The following IFNLR1 variants were observed in gnomAD, a reference collection of about 807,000 sequenced individuals.
The protein encoded by IFNLR1 is CRF2-12.
Under a neutral mutation model 52.5 loss-of-function variants are expected in IFNLR1, and 28 were observed. The ratio of observed to expected loss-of-function variants is 0.53; its 90% confidence interval spans 0.40 to 0.73. The LOEUF (loss-of-function observed/expected upper bound fraction) is 0.73. Ranked by LOEUF, IFNLR1 falls within the 30% of genes least tolerant of loss-of-function variation. The pLI, the probability that IFNLR1 is intolerant of heterozygous loss-of-function variation, is 0.00. For missense variants in IFNLR1, 623 were observed against 659.1 expected, an observed-to-expected ratio of 0.95 and a Z score of 0.60; for synonymous variants, 276 against 274.9, an observed-to-expected ratio of 1.00 and a Z score of -0.04.
intron 3 of IFNLR1, among the ~76,000 whole-genome samples, chr1:24,162,840 T>C (rs1476109115): frequency 1.7e-4 from 10 of 58,958 alleles, no homozygotes; most frequent in Admixed American, 5.5e-4. Flanking sequence ...CTTTTCTTTC[T>C]TTCTTTCTTT....
At chr1:24,178,624 A>C (rs1174674835) in intron 2 of IFNLR1, among the ~76,000 whole-genome samples, 2 of 152,198 alleles carry the variant, frequency 1.3e-5, no homozygotes, top group Non-Finnish European at 2.9e-5. Flanking sequence ...TTCAAGCTTC[A>C]ATGAGCAGAG....
intron 3 of IFNLR1, among the ~76,000 whole-genome samples, chr1:24,163,159 A>G (rs1355546046): frequency 6.6e-6 from 1 of 151,382 alleles, no homozygotes; most frequent in Non-Finnish European, 1.5e-5. Context: ...ACAGACTTTC[A>G]CCATGTTGGC....
chr1:24,187,114 G>A (rs1260831768), intron 1 of IFNLR1, 77 bp downstream of exon 1: 3 of 992,312 alleles, frequency 3.0e-6, no homozygotes, highest in East Asian at 6.5e-5. Context: ...TGTCCCAGGA[G>A]CTCCGGGTCC....
In IFNLR1 at chr1:24,157,064, G is replaced by C; in HGVS notation, c.*66C>G. ...AGGTACGGAGGCTCTTGAGTTTCTT[G>C]GGAAGCCCAGTAGTCCTTGCAAAGG... On this transcript the variant is annotated 3_prime_UTR_variant, in exon 7 of 7. Transcript: ENST00000327535. This position sits in a 1 kb window ranked among gnomAD's most constrained non-coding sequence, Gnocchi z 5.1. 1 of 1,519,200 alleles carries C rather than the reference G, an allele frequency of 6.6e-7. No homozygotes were observed. The highest frequency in any genetic ancestry group is 2.5e-4 in the Middle Eastern group (1 of 3,996). The allele number at this position is 1,519,200 out of a possible 1,614,324, so 94.1% of individuals were successfully genotyped here. A position where few individuals can be genotyped will look rare whatever the true frequency, so the allele number is the denominator to read the frequency against.
intron 2 of IFNLR1, among the ~76,000 whole-genome samples, chr1:24,171,725 C>T (rs982611345): frequency 2.0e-5 from 3 of 151,980 alleles, no homozygotes; most frequent in South Asian, 2.1e-4. Flanking sequence ...GGTGCAATCT[C>T]GGCTCACTGC....
At chr1:24,175,844 G>C (rs1644626517) in intron 2 of IFNLR1, among the ~76,000 whole-genome samples, 3 of 151,522 alleles carry the variant, frequency 2.0e-5, no homozygotes. Flanking sequence ...TGAGGCAGGA[G>C]AATCTCTTGA....
intron 2 of IFNLR1, 103 bp downstream of exon 2, chr1:24,180,628 G>T: frequency 8.6e-7 from 1 of 1,159,328 alleles, no homozygotes; most frequent in African/African-American, 1.5e-5. Context: ...CAGAGAGCTA[G>T]CCAGTGCTGC....
chr1:24,162,877 T>C (rs866350199), intron 3 of IFNLR1, among the ~76,000 whole-genome samples: 26 of 36,646 alleles, frequency 7.1e-4, no homozygotes, highest in Non-Finnish European at 1.2e-3. Flanking sequence ...CTTTCTTTCT[T>C]TCCTTCCTTC....
intron 4 of IFNLR1, chr1:24,161,270 T>C (rs7552000): frequency 1 from 573,439 of 574,468 alleles, 286,208 homozygotes; most frequent in East Asian, 1. Context: ...GAGTGATGTG[T>C]GGTCATCTCT....
Position 24,157,743 on chromosome 1 carries a change from C to T in IFNLR1, c.950G>A (p.Arg317Lys). The T allele has an allele frequency of 6.2e-7, 1 of 1,614,226 alleles. No homozygotes were observed. Among genetic ancestry groups the T allele is most frequent in the Non-Finnish European group, 8.5e-7 (1 of 1,180,046 alleles). ...RVRAPATQQTRWKKDLAEDEE... is the reference protein window; with the variant it reads ...RVRAPATQQTKWKKDLAEDEE... Reference sequence around the variant, plus strand: ...GTCCTCTGCAAGGTCCTTCTTCCATCTTGTCTGTTGGGTGGCTGGGGCCCT... The same window carrying T: ...GTCCTCTGCAAGGTCCTTCTTCCATTTTGTCTGTTGGGTGGCTGGGGCCCT... Residue 317 changes from arginine to lysine, a missense_variant, in exon 7 of 7, where the codon AGA (arginine) becomes AAA (lysine). Coordinates refer to ENST00000327535, the MANE Select transcript of IFNLR1 (RefSeq NM_170743.4). This position sits in a 1 kb window ranked among gnomAD's most constrained non-coding sequence, Gnocchi z 5.1.
At chr1:24,185,774 G>A (rs1644731449) in intron 1 of IFNLR1, among the ~76,000 whole-genome samples, 2 of 152,186 alleles carry the variant, frequency 1.3e-5, no homozygotes, top group African/African-American at 2.4e-5. Context: ...GAGAAAAACA[G>A]CAGTTAGAGC....
In IFNLR1 at chr1:24,154,621, G is replaced by C. The variant is rs1302401117; in HGVS notation, c.*2509C>G. ...ATTCTTTAAAAAAATAGTAAGGTTT[G>C]GCTGGGCGCGGTGGCTCACGCCTGT... On this transcript the variant is annotated 3_prime_UTR_variant, in exon 7 of 7. Coordinates refer to ENST00000327535, the MANE Select transcript of IFNLR1 (RefSeq NM_170743.4). 2.0e-5 allele frequency: 3 copies of C among 152,170 alleles called. No individual in the cohort carries two copies. The highest frequency in any genetic ancestry group is 1.3e-4 in the Admixed American group (2 of 15,280). 9.4% of individuals were successfully genotyped at this position (152,170 alleles called of 1,614,324 possible). A position where few individuals can be genotyped will look rare whatever the true frequency, so the allele number is the denominator to read the frequency against.
At chr1:24,169,325 A>C in intron 3 of IFNLR1, 92 bp downstream of exon 3, 1 of 1,228,712 alleles carries the variant, frequency 8.1e-7, no homozygotes, top group Non-Finnish European at 1.1e-6. Context: ...AGTGGGAGAC[A>C]GATGGTCAGG....
At chr1:24,170,493 T>A (rs571856604) in intron 2 of IFNLR1, among the ~76,000 whole-genome samples, 2 of 152,230 alleles carry the variant, frequency 1.3e-5, no homozygotes, top group East Asian at 3.9e-4. Flanking sequence ...CCCGAGTAGA[T>A]GGGATTACAG....
chr1:24,186,880 A>G (rs77346816), intron 1 of IFNLR1, among the ~76,000 whole-genome samples: 55 of 152,334 alleles, frequency 3.6e-4, no homozygotes, highest in African/African-American at 1.3e-3. Context: ...TGCTTTCTTT[A>G]GGAAACATTA....
intron 1 of IFNLR1, among the ~76,000 whole-genome samples, chr1:24,182,646 G>T (rs1399336407): frequency 1.3e-5 from 2 of 152,122 alleles, no homozygotes; most frequent in Non-Finnish European, 2.9e-5. Context: ...TACAGGCCGG[G>T]CGTGGTGGCT....
intron 1 of IFNLR1, among the ~76,000 whole-genome samples, chr1:24,182,260 G>A (rs1397336822): frequency 2.7e-5 from 4 of 150,816 alleles, no homozygotes; most frequent in African/African-American, 7.3e-5. Context: ...CGCCCAGTTC[G>A]CTGGCATTAT....
Position 24,156,925 on chromosome 1 carries a change from C to T in IFNLR1, c.*205G>A. ...CCCTGTGTCCACCCCTCTTATAGCT[C>T]AGCCTAAAGAGGGCGGGTCACAGGA... On this transcript the variant is annotated 3_prime_UTR_variant, in exon 7 of 7. Coordinates refer to ENST00000327535, the MANE Select transcript of IFNLR1 (RefSeq NM_170743.4). 1.7e-6 allele frequency: 1 copy of T among 600,278 alleles called. No homozygotes were observed. Among genetic ancestry groups the T allele is most frequent in the Non-Finnish European group, 2.9e-6 (1 of 343,882 alleles). The allele number at this position is 600,278 out of a possible 1,614,324, so 37.2% of individuals were successfully genotyped here.
intron 2 of IFNLR1, among the ~76,000 whole-genome samples, chr1:24,171,096 C>A (rs1318438343): frequency 6.6e-6 from 1 of 152,114 alleles, no homozygotes; most frequent in Non-Finnish European, 1.5e-5. Context: ...TTCCATTCAC[C>A]AGGAAGACAG....
Sources: allele counts gnomAD v4.1 joint callset (sites outside exome capture counted in the v4.1 genomes callset), GRCh38; gene constraint gnomAD v4.1.1; non-coding constraint Gnocchi (gnomAD v3.1); transcripts MANE v1.5; gene names NCBI Gene and HGNC (gene_info 2026-07-23, HGNC 2026-07-21).